Variants in WDR49 observed in about 807,000 individuals in gnomAD.
WDR49 encodes cilia- and flagella-associated protein 337.
In WDR49, 107 loss-of-function variants were observed where a neutral mutation model predicts 119.5. That is an observed-to-expected ratio of 0.90 (90% CI 0.77 to 1.05). WDR49 has a LOEUF of 1.05. WDR49 is among the 50% of genes least tolerant of loss of function. The probability of loss-of-function intolerance (pLI) is 0.00; values close to 1 mark genes in which losing one functional copy is unlikely to be tolerated. For missense variants in WDR49, 1,240 were observed against 1,220.5 expected (o/e 1.02, Z -0.24); for synonymous variants, 425 against 418.8 (o/e 1.01, Z -0.18).
chr3:167,557,837 G>A (rs1185628387), intron 9 of WDR49, among the ~76,000 whole-genome samples: 1 of 151,992 alleles, frequency 6.6e-6, no homozygotes, highest in Non-Finnish European at 1.5e-5. Context: ...ATAGTGCCTG[G>A]TTCATAGTGA....
At chr3:167,584,749 A>T (rs1338682091) in intron 7 of WDR49, among the ~76,000 whole-genome samples, 2 of 152,134 alleles carry the variant, frequency 1.3e-5, no homozygotes, top group South Asian at 4.1e-4. Context: ...ACAAAAATGA[A>T]CCATAAAGTT....
chr3:167,620,548 C>T lies in WDR49; in HGVS notation c.839G>A (p.Ser280Asn), dbSNP rs893374726. ...ALISLFERPA[S>N]ACEDGEATMT... ...AGTGGCTTCTCCATCTTCACATGCACTAGCAGGCCGTTCAAACAGGGAAAT... is the reference window on the plus strand; with the variant it reads ...AGTGGCTTCTCCATCTTCACATGCATTAGCAGGCCGTTCAAACAGGGAAAT... The change falls in exon 5 of 19, where the codon AGT becomes AAT. Residue 280 changes from serine (S) to asparagine (N), a missense_variant. Ser to Asn is a conservative substitution (Grantham distance 46). Coordinates refer to ENST00000682715, the MANE Select transcript of WDR49 (RefSeq NM_001366157.1). 2.0e-6 allele frequency: 3 copies of T among 1,535,572 alleles called. No homozygotes were observed. Among genetic ancestry groups the T allele is most frequent in the Non-Finnish European group, 2.6e-6 (3 of 1,146,520 alleles).
intron 10 of WDR49, among the ~76,000 whole-genome samples, chr3:167,554,232 G>A (rs1712776384): frequency 6.6e-6 from 1 of 152,104 alleles, no homozygotes. Flanking sequence ...CTGATAGAAA[G>A]GAGGAGCTAT....
At chr3:167,522,146 G>A (rs1326370482) in intron 16 of WDR49, among the ~76,000 whole-genome samples, 169 bp downstream of exon 16, 2 of 152,048 alleles carry the variant, frequency 1.3e-5, no homozygotes, top group African/African-American at 4.8e-5. Flanking sequence ...ATATGGCCCC[G>A]ATAATATAAG....
At chr3:167,547,564 T>C (rs1712284725) in intron 10 of WDR49, among the ~76,000 whole-genome samples, 1 of 151,614 alleles carries the variant, frequency 6.6e-6, no homozygotes, top group Middle Eastern at 3.2e-3. Flanking sequence ...CAAAAATCTT[T>C]ACAATTTCAA....
intron 17 of WDR49, among the ~76,000 whole-genome samples, chr3:167,501,796 A>C (rs760910070): frequency 1.3e-5 from 2 of 152,152 alleles, no homozygotes; most frequent in African/African-American, 2.4e-5. Context: ...AGACTAATGC[A>C]TTGTTCTGTG....
At chr3:167,499,154 T>C (rs917033643) in intron 18 of WDR49, among the ~76,000 whole-genome samples, 2 of 152,202 alleles carry the variant, frequency 1.3e-5, no homozygotes, top group Non-Finnish European at 1.5e-5. Context: ...TAATGAAGTA[T>C]GACAGCTGTA....
intron 17 of WDR49, among the ~76,000 whole-genome samples, chr3:167,503,689 T>C (rs1025874270): frequency 6.6e-6 from 1 of 152,128 alleles, no homozygotes; most frequent in Non-Finnish European, 1.5e-5. Context: ...GGGATGGAAG[T>C]CAGCGGTGGG....
intron 18 of WDR49, among the ~76,000 whole-genome samples, chr3:167,482,610 C>T (rs1360584912): frequency 6.8e-6 from 1 of 148,092 alleles, no homozygotes; most frequent in Non-Finnish European, 1.5e-5. Context: ...ACCCGGGAGG[C>T]AGAGCTTGCA....
chr3:167,574,705 T>A (rs965223761), intron 8 of WDR49, among the ~76,000 whole-genome samples: 1 of 152,188 alleles, frequency 6.6e-6, no homozygotes, highest in Non-Finnish European at 1.5e-5. Flanking sequence ...TCTCAGGGAA[T>A]ATTGCTCATC....
At chr3:167,563,370 A>G (rs1469802810) in intron 8 of WDR49, among the ~76,000 whole-genome samples, 1 of 139,690 alleles carries the variant, frequency 7.2e-6, no homozygotes, top group Non-Finnish European at 1.5e-5. Flanking sequence ...AAAAAAAAAA[A>G]AAAAAAAGAA....
At chr3:167,565,238 A>G (rs1713523898) in intron 8 of WDR49, among the ~76,000 whole-genome samples, 1 of 152,074 alleles carries the variant, frequency 6.6e-6, no homozygotes, top group African/African-American at 2.4e-5. Context: ...TTTCAAATTC[A>G]TTATTTGAAT....
intron 16 of WDR49, among the ~76,000 whole-genome samples, chr3:167,507,591 A>G (rs1751821818): frequency 6.6e-6 from 1 of 152,218 alleles, no homozygotes; most frequent in Non-Finnish European, 1.5e-5. Context: ...TTCCCTTTAG[A>G]GTAGTTAACA....
intron 10 of WDR49, among the ~76,000 whole-genome samples, chr3:167,549,000 T>C (rs1712379763): frequency 6.6e-6 from 1 of 152,142 alleles, no homozygotes; most frequent in South Asian, 2.1e-4. Flanking sequence ...GCTTCATCCA[T>C]GTACCTACAA....
intron 7 of WDR49, among the ~76,000 whole-genome samples, chr3:167,588,418 G>A (rs1337877192): frequency 1.3e-5 from 2 of 152,174 alleles, no homozygotes; most frequent in African/African-American, 4.8e-5. Flanking sequence ...AAACATGGAA[G>A]TGCAGATATC....
chr3:167,560,091 C>A lies in WDR49; in HGVS notation c.1647G>T (p.Leu549Phe). The change falls in exon 9 of 19, where the codon TTG becomes TTT. Residue 549 changes from leucine to phenylalanine, a missense_variant. Coordinates refer to ENST00000682715, the MANE Select transcript of WDR49 (RefSeq NM_001366157.1). ...MALDANETRL[L>F]TGSTDGTVKI... is the part of the protein sequence containing the mutation. ...TTACAGTCCCATCTGTGCTGCCAGT[C>A]AAAAGCCGAGTCTCATTTGCATCAA... The A allele has an allele frequency of 6.2e-7, 1 of 1,614,118 alleles. No homozygotes were observed. The highest frequency in any genetic ancestry group is 8.5e-7 in the Non-Finnish European group (1 of 1,180,012).
At chr3:167,605,150 C>G (rs555663482) in intron 5 of WDR49, among the ~76,000 whole-genome samples, 1 of 150,990 alleles carries the variant, frequency 6.6e-6, no homozygotes, top group African/African-American at 2.4e-5. Context: ...TTATACATTT[C>G]CAAACAATTA....
intron 5 of WDR49, among the ~76,000 whole-genome samples, chr3:167,618,172 C>T (rs1353738009): frequency 6.6e-6 from 1 of 152,152 alleles, no homozygotes; most frequent in African/African-American, 2.4e-5. Flanking sequence ...ACCACTGATC[C>T]TTAAAGCTTT....
rs184154332 is a variant in WDR49 at position 167,554,491 on chromosome 3, G to A, written c.1823+159C>T. On this transcript the variant is annotated intron_variant, in intron 10 of 18. Coordinates refer to ENST00000682715, the MANE Select transcript of WDR49 (RefSeq NM_001366157.1). ...ATTCTCAAAGCCACTCAAGCTATGC[G>A]GTCTTCTAATATTTTATTCACTAAG... 1.8e-4 allele frequency among the ~76,000 whole-genome samples: 28 copies of A among 152,190 alleles called. No homozygotes were observed. The East Asian group carries it at 2.3e-3, about 13-fold the overall frequency.
Sources: gnomAD v4.1 joint callset for allele counts (sites outside exome capture counted in the v4.1 genomes callset) on GRCh38, gnomAD v4.1.1 for gene constraint, MANE v1.5 for transcripts, NCBI Gene and HGNC (gene_info 2026-07-23, HGNC 2026-07-21) for gene names.